USP8: variants seen among roughly 807,000 people sequenced by gnomAD.
USP8 encodes ubiquitin carboxyl-terminal hydrolase 8.
A neutral mutation model predicts 130.0 loss-of-function variants in USP8; 27 were observed. The ratio of observed to expected loss-of-function variants is 0.21; its 90% CI spans 0.15 to 0.29. The LOEUF (loss-of-function observed/expected upper bound fraction) is 0.29. Ranked by LOEUF, USP8 falls within the 10% of genes least tolerant of loss-of-function variation. USP8 has a pLI of 1.00. For synonymous variants in USP8, 392 were observed against 444.1 expected, an observed-to-expected ratio of 0.88 and a Z score of 1.48; for missense variants, 1,029 against 1,312.2, an observed-to-expected ratio of 0.78 and a Z score of 3.33.
chr15:50,439,764 T>G (rs896503274), intron 2 of USP8, among the ~76,000 whole-genome samples: 2 of 149,010 alleles, frequency 1.3e-5, no homozygotes, highest in Non-Finnish European at 3.0e-5. Flanking sequence ...CACTGCAGCT[T>G]GGGCAATAAG....
At chr15:50,434,740 C>T (rs1437970986) in intron 1 of USP8, among the ~76,000 whole-genome samples, 1 of 152,060 alleles carries the variant, frequency 6.6e-6, no homozygotes, top group African/African-American at 2.4e-5. Context: ...CCTCAGCCTC[C>T]TGAATAGCTG....
intron 12 of USP8, chr15:50,489,576 G>C (rs993741616): frequency 1.9e-5 from 4 of 214,782 alleles, no homozygotes; most frequent in African/African-American, 9.4e-5. Flanking sequence ...ATCATTACAG[G>C]CTTAGACATA....
At chr15:50,445,056 T>C (rs1326346965) in intron 3 of USP8, among the ~76,000 whole-genome samples, 2 of 151,502 alleles carry the variant, frequency 1.3e-5, no homozygotes, top group Admixed American at 6.6e-5. Flanking sequence ...CCTTGCCCAG[T>C]TGCAGAACTG....
intron 1 of USP8, among the ~76,000 whole-genome samples, chr15:50,431,086 A>G (rs191251066): frequency 1.3e-5 from 2 of 151,542 alleles, no homozygotes; most frequent in South Asian, 2.1e-4. Flanking sequence ...TAAACTGATC[A>G]GTTTTAAACT....
At chr15:50,481,434 T>C in intron 10 of USP8, 47 bp from the exon 11 acceptor site, 1 of 1,378,898 alleles carries the variant, frequency 7.3e-7, no homozygotes, top group Non-Finnish European at 9.6e-7. Flanking sequence ...CTGAGGTTAT[T>C]TCCTGATTTT....
intron 7 of USP8, among the ~76,000 whole-genome samples, chr15:50,465,607 C>G (rs1041768767): frequency 6.6e-6 from 1 of 152,266 alleles, no homozygotes; most frequent in Non-Finnish European, 1.5e-5. Context: ...TTCCCTCTCT[C>G]CCCAGATGTT....
chr15:50,485,832 T>C (rs1319772415), intron 12 of USP8, among the ~76,000 whole-genome samples: 2 of 152,100 alleles, frequency 1.3e-5, no homozygotes, highest in Admixed American at 1.3e-4. Context: ...TAAAATGGTA[T>C]AGTGTTTGCA....
intron 1 of USP8, among the ~76,000 whole-genome samples, chr15:50,430,269 C>G (rs1400612940): frequency 6.6e-6 from 1 of 152,072 alleles, no homozygotes; most frequent in East Asian, 1.9e-4. Flanking sequence ...ATCGCTTGAA[C>G]CGGGGAGGTG....
At chr15:50,438,134 A>G (rs994602509) in intron 1 of USP8, among the ~76,000 whole-genome samples, 3 of 152,238 alleles carry the variant, frequency 2.0e-5, no homozygotes, top group Non-Finnish European at 4.4e-5. Context: ...CTAGAATTAA[A>G]GCAAATTGGG....
Position 50,501,878 on chromosome 15 carries a change from T to A in USP8, c.*2790T>A, listed in dbSNP as rs1379420331. Reference sequence around the variant, plus strand: ...TCCAAGTAATAATAGTATTGTTATATGTGAAAATTTTATGAAATTCAAATG... The same window carrying A: ...TCCAAGTAATAATAGTATTGTTATAAGTGAAAATTTTATGAAATTCAAATG... On this transcript the variant is annotated 3_prime_UTR_variant, in exon 20 of 20. Transcript: ENST00000307179. 6.6e-6 allele frequency: 1 copy of A among 152,208 alleles called. No homozygotes were observed. Among genetic ancestry groups the A allele is most frequent in the Non-Finnish European group, 1.5e-5 (1 of 68,038 alleles). 9.4% of individuals were successfully genotyped at this position (152,208 alleles called of 1,614,324 possible). A position where few individuals can be genotyped will look rare whatever the true frequency, so the allele number is the denominator to read the frequency against.
At chr15:50,481,361 A>T in intron 10 of USP8, 120 bp from the exon 11 acceptor site, 1 of 652,608 alleles carries the variant, frequency 1.5e-6, no homozygotes, top group Non-Finnish European at 2.4e-6. Context: ...TAACAAATAG[A>T]TGTGCTGATA....
intron 16 of USP8, among the ~76,000 whole-genome samples, chr15:50,495,189 G>GATAT (rs147090227): frequency 6.8e-6 from 1 of 146,786 alleles, no homozygotes; most frequent in East Asian, 2.0e-4. Context: ...CCACTGAACA[G>GATAT]ATATATATAT....
intron 6 of USP8, among the ~76,000 whole-genome samples, chr15:50,464,169 G>A (rs747495518): frequency 3.3e-4 from 50 of 152,254 alleles, no homozygotes; most frequent in African/African-American, 1.2e-3. Flanking sequence ...ATGAAAAAAT[G>A]TGTAAACAAA....
At chr15:50,428,220 A>G (rs982513931) in intron 1 of USP8, among the ~76,000 whole-genome samples, 7 of 150,416 alleles carry the variant, frequency 4.7e-5, no homozygotes, top group Middle Eastern at 3.5e-3. Context: ...GGGTTCAAGC[A>G]ATTCTCCTGC....
intron 1 of USP8, chr15:50,424,745 G>T: frequency 2.8e-6 from 1 of 363,024 alleles, no homozygotes; most frequent in Non-Finnish European, 4.9e-6. Flanking sequence ...GTGTTTTTTT[G>T]GTTTTAAAAG....
intron 7 of USP8, among the ~76,000 whole-genome samples, chr15:50,470,382 A>T (rs2051335872): frequency 6.6e-6 from 1 of 152,136 alleles, no homozygotes; most frequent in Non-Finnish European, 1.5e-5. Context: ...TTATTAGCAA[A>T]TCTTGAAGAA....
At position 50,430,111 on chromosome 15, in the gene USP8, A is replaced by G. The variant is rs1179289372; in HGVS notation, c.-66+5597A>G. Among the ~76,000 whole-genome samples the G allele has an allele frequency of 2.6e-5, 4 of 152,170 alleles. No individual in the cohort carries two copies. In the East Asian group the frequency reaches 7.7e-4, roughly 29 times the overall value. On this transcript the variant is annotated intron_variant, in intron 1 of 19. Transcript: ENST00000307179. ...ATTTTAAGAGGCAGAAACTTTATTA[A>G]GAGTTGTATTTTTTTAGTATCCCCT... is the stretch of plus-strand genomic sequence containing the variant.
intron 8 of USP8, among the ~76,000 whole-genome samples, chr15:50,476,155 T>C (rs2051560289): frequency 6.6e-6 from 1 of 152,112 alleles, no homozygotes; most frequent in South Asian, 2.1e-4. Context: ...GAATAGGCCA[T>C]GTGCAGCGGC....
chr15:50,430,434 C>T (rs1355500360), intron 1 of USP8, among the ~76,000 whole-genome samples: 1 of 152,048 alleles, frequency 6.6e-6, no homozygotes, highest in Non-Finnish European at 1.5e-5. Flanking sequence ...GACAGGGTCT[C>T]CCTCTATTGC....
Sources: allele counts gnomAD v4.1 joint callset (sites outside exome capture counted in the v4.1 genomes callset), GRCh38; gene constraint gnomAD v4.1.1; transcripts MANE v1.5; gene names NCBI Gene and HGNC (gene_info 2026-07-23, HGNC 2026-07-21).